The following GABRB1 variants were observed in gnomAD, a reference collection of about 807,000 sequenced individuals.
GABRB1 encodes gamma-aminobutyric acid receptor subunit beta-1.
In GABRB1, 17 loss-of-function variants were observed where a neutral mutation model predicts 51.6. The ratio of observed to expected loss-of-function variants is 0.33; its 90% CI spans 0.23 to 0.49. The LOEUF is 0.49. GABRB1 is among the 20% of genes least tolerant of loss of function. GABRB1 has a pLI of 0.99. For synonymous variants in GABRB1, 247 were observed against 218.9 expected, an observed-to-expected ratio of 1.13 and a Z score of -1.14; for missense variants, 410 against 600.6, an observed-to-expected ratio of 0.68 and a Z score of 3.32.
intron 4 of GABRB1, among the ~76,000 whole-genome samples, chr4:47,189,612 A>G (rs1719345063): frequency 6.6e-6 from 1 of 151,868 alleles, no homozygotes; most frequent in Admixed American, 6.6e-5. Flanking sequence ...GAGTCCCTGC[A>G]TTTATGGATC....
intron 5 of GABRB1, among the ~76,000 whole-genome samples, chr4:47,389,193 A>G (rs1727900260): frequency 6.6e-6 from 1 of 152,116 alleles, no homozygotes; most frequent in Admixed American, 6.5e-5. Context: ...GTGGGGTTAC[A>G]ATTTTCCTGG....
chr4:47,268,175 G>C (rs1722714744), intron 4 of GABRB1, among the ~76,000 whole-genome samples: 1 of 152,148 alleles, frequency 6.6e-6, no homozygotes, highest in Admixed American at 6.5e-5. Context: ...AATATGACCT[G>C]ATACTTCAAA....
intron 4 of GABRB1, among the ~76,000 whole-genome samples, chr4:47,248,494 TGGTATTAG>T (rs1276669231): frequency 1.3e-5 from 2 of 152,106 alleles, no homozygotes; most frequent in Non-Finnish European, 2.9e-5. Context: ...TTCCTGGTTT[TGGTATTAG>T]GGTGATGCTG....
rs1553909558 is a variant in GABRB1 at position 47,019,888 on chromosome 4, A to ATATATGTATAGGTATATG, written c.-19-12016_-19-12015insGGTATATGTATATGTATA. On this transcript the variant is annotated intron_variant, in intron 1 of 3. Coordinates refer to the GABRB1 transcript ENST00000513567. ...CCTGGCTAATTTATATATATATATA[A>ATATATGTATAGGTATATG]TATATGTATATGTATATGTATATGT... 1.1e-4 allele frequency among the ~76,000 whole-genome samples: 15 copies of ATATATGTATAGGTATATG among 139,676 alleles called. No individual in the cohort carries two copies. In the East Asian group the frequency reaches 2.5e-3, roughly 23 times the overall value. 91.6% of individuals were successfully genotyped at this position (139,676 alleles called of 152,430 possible).
At chr4:47,377,196 T>G (rs1013465783) in intron 5 of GABRB1, among the ~76,000 whole-genome samples, 1 of 152,162 alleles carries the variant, frequency 6.6e-6, no homozygotes, top group Non-Finnish European at 1.5e-5. Context: ...CAGGCTGGAG[T>G]GCAGTGGCAC....
At chr4:47,402,365 T>A (rs145073786) in intron 5 of GABRB1, among the ~76,000 whole-genome samples, 232 of 152,368 alleles carry the variant, frequency 1.5e-3, no homozygotes, top group African/African-American at 5.2e-3. Context: ...AAAAGATTTT[T>A]TGCTTTTTTA....
At chr4:47,072,184 GTA>G (rs1434624085) in intron 3 of GABRB1, among the ~76,000 whole-genome samples, 2 of 152,112 alleles carry the variant, frequency 1.3e-5, no homozygotes, top group Non-Finnish European at 2.9e-5. Flanking sequence ...TGACTCTCAA[GTA>G]TATTTATTCA....
Position 47,023,046 on chromosome 4 carries a change from A to AT in GABRB1, c.-19-8866dup, listed in dbSNP as rs1177361203. Among the ~76,000 whole-genome samples, 7 of 152,234 alleles carry AT rather than the reference A, an allele frequency of 4.6e-5. No individual in the cohort carries two copies. In the East Asian group the frequency reaches 1.3e-3, roughly 29 times the overall value. Reference sequence around the variant, plus strand: ...AACGACATGGATGGCACTGGAGATCATTATGTTAAGTGAAATAATCCAGGG... The same window carrying AT: ...AACGACATGGATGGCACTGGAGATCATTTATGTTAAGTGAAATAATCCAGGG... On this transcript the variant is annotated intron_variant, in intron 1 of 3. Transcript: ENST00000513567.
chr4:47,209,917 C>G (rs970248077), intron 4 of GABRB1, among the ~76,000 whole-genome samples: 1 of 152,074 alleles, frequency 6.6e-6, no homozygotes, highest in Non-Finnish European at 1.5e-5. Flanking sequence ...TGTGCCCCTT[C>G]CCTCCTGGTT....
In GABRB1 at chr4:47,283,357, T is replaced by A. The variant is rs953849689; in HGVS notation, c.462-36770T>A. Among the ~76,000 whole-genome samples, 23 of 4,100 alleles carry A rather than the reference T, an allele frequency of 5.6e-3. No homozygotes were observed. In the South Asian group the frequency reaches 0.14, roughly 25 times the overall value. The allele number at this position is 4,100 out of a possible 152,430, so 2.7% of individuals were successfully genotyped here. On this transcript the variant is annotated intron_variant, in intron 4 of 8. Coordinates refer to ENST00000295454, the MANE Select transcript of GABRB1 (RefSeq NM_000812.4). The stretch of plus-strand genomic sequence containing the variant: ...GCAATGTTCCATACCTGGTGGCCCC[T>A]TTTTTTTTTTTTTTTTTTTTTTTTT...
chr4:47,377,799 T>A (rs183917417), intron 5 of GABRB1, among the ~76,000 whole-genome samples: 94 of 152,042 alleles, frequency 6.2e-4, no homozygotes, highest in African/African-American at 2.1e-3. Context: ...CCCACCAGAG[T>A]AGCTAGATAC....
At chr4:47,345,444 G>A (rs1234463857) in intron 5 of GABRB1, among the ~76,000 whole-genome samples, 4 of 152,172 alleles carry the variant, frequency 2.6e-5, no homozygotes, top group African/African-American at 9.7e-5. Context: ...TGTGTCTATT[G>A]CTTAGAAATC....
chr4:47,075,243 A>G (rs1329269162), intron 3 of GABRB1, among the ~76,000 whole-genome samples: 1 of 152,144 alleles, frequency 6.6e-6, no homozygotes, highest in Non-Finnish European at 1.5e-5. Flanking sequence ...TAGCACATGG[A>G]CAATGCCATA....
chr4:47,330,766 T>G (rs1166303856), intron 5 of GABRB1, among the ~76,000 whole-genome samples: 1 of 152,144 alleles, frequency 6.6e-6, no homozygotes, highest in African/African-American at 2.4e-5. Flanking sequence ...TGTGCCTATC[T>G]CAAATATTAA....
chr4:47,299,356 T>G (rs1390015092), intron 4 of GABRB1, among the ~76,000 whole-genome samples: 1 of 151,916 alleles, frequency 6.6e-6, no homozygotes, highest in African/African-American at 2.4e-5. Flanking sequence ...AAAGGGCTAA[T>G]CTCCAGAATC....
intron 4 of GABRB1, among the ~76,000 whole-genome samples, chr4:47,296,335 C>T (rs929802571): frequency 3.3e-5 from 5 of 152,106 alleles, no homozygotes; most frequent in Non-Finnish European, 7.3e-5. Context: ...AGAGTCAAGA[C>T]CCATCAGTGT....
At chr4:47,161,033 T>C (rs1248154565) in intron 3 of GABRB1, among the ~76,000 whole-genome samples, 1 of 151,936 alleles carries the variant, frequency 6.6e-6, no homozygotes, top group Non-Finnish European at 1.5e-5. Flanking sequence ...GCTCAAGGGA[T>C]TCTCCTGCCT....
At chr4:47,414,623 A>C (rs1252685882) in intron 8 of GABRB1, among the ~76,000 whole-genome samples, 3 of 152,176 alleles carry the variant, frequency 2.0e-5, no homozygotes, top group African/African-American at 7.2e-5. Flanking sequence ...CACAATACCA[A>C]ATATGCAGTT....
intron 4 of GABRB1, among the ~76,000 whole-genome samples, chr4:47,176,185 T>A (rs1029337909): frequency 6.6e-6 from 1 of 152,074 alleles, no homozygotes; most frequent in Non-Finnish European, 1.5e-5. Flanking sequence ...GTTCAGGTGG[T>A]GTATTATGAA....
Sources: allele counts gnomAD v4.1 joint callset (sites outside exome capture counted in the v4.1 genomes callset), GRCh38; gene constraint gnomAD v4.1.1; transcripts MANE v1.5; gene names NCBI Gene and HGNC (gene_info 2026-07-23, HGNC 2026-07-21).